The following UPF1 variants were observed in gnomAD, a reference collection of about 807,000 sequenced individuals.
UPF1 encodes the protein regulator of nonsense transcripts 1.
A neutral mutation model predicts 129.2 loss-of-function variants in UPF1; 9 were observed. The ratio of observed to expected loss-of-function variants is 0.07; its 90% CI spans 0.04 to 0.12. The LOEUF is 0.12. Ranked by LOEUF, UPF1 falls within the 10% of genes least tolerant of loss-of-function variation. The pLI is 1.00. For synonymous variants in UPF1, 649 were observed against 644.9 expected (o/e 1.01, Z -0.10); for missense variants, 788 against 1,525.3 (o/e 0.52, Z 8.05).
At chr19:18,842,594 C>G (rs72999395) in intron 1 of UPF1, among the ~76,000 whole-genome samples, 1 of 152,112 alleles carries the variant, frequency 6.6e-6, no homozygotes, top group African/African-American at 2.4e-5. Flanking sequence ...CAACCCTCTG[C>G]CTTGAGAGGG....
intron 6 of UPF1, among the ~76,000 whole-genome samples, chr19:18,852,538 G>A (rs1413583387): frequency 6.6e-6 from 1 of 152,202 alleles, no homozygotes; most frequent in African/African-American, 2.4e-5. Flanking sequence ...TCCCAGTGGG[G>A]TCCACAGCTT....
intron 1 of UPF1, among the ~76,000 whole-genome samples, chr19:18,835,770 A>G (rs982619199): frequency 2.6e-5 from 4 of 152,148 alleles, no homozygotes; most frequent in African/African-American, 9.7e-5. Flanking sequence ...GGCTTTTGTG[A>G]ATAGCACTGC....
At chr19:18,849,642 T>G (rs2145949443) in intron 3 of UPF1, among the ~76,000 whole-genome samples, 1 of 152,182 alleles carries the variant, frequency 6.6e-6, no homozygotes, top group African/African-American at 2.4e-5. Flanking sequence ...CTCCTGGAAG[T>G]AGGCACAGGG....
chr19:18,836,951 A>C (rs2055489957), intron 1 of UPF1, among the ~76,000 whole-genome samples: 1 of 150,400 alleles, frequency 6.6e-6, no homozygotes, highest in Non-Finnish European at 1.5e-5. Context: ...GCAGGGTTTC[A>C]CCATGTTAGT....
Position 18,854,713 on chromosome 19 carries a change from C to A in UPF1, c.1265+4C>A, listed in dbSNP as rs368543377. On this transcript the variant is annotated splice_donor_region_variant and intron_variant, in intron 9 of 23. Transcript: ENST00000262803. The stretch of plus-strand genomic sequence containing the variant: ...GGAAGTCGACCTCCTTTGACAGGTA[C>A]GTCTTCTCCCATCACTGCCCCCTGT... 1.1e-5 allele frequency: 17 copies of A among 1,612,844 alleles called. No individual in the cohort carries two copies. In the African/African-American group the frequency reaches 2.1e-4, roughly 20 times the overall value.
Position 18,865,114 on chromosome 19 carries a change from C to G in UPF1, c.2858-175C>G, listed in dbSNP as rs1601132914. Among the ~76,000 whole-genome samples, 1 of 152,206 alleles carries G rather than the reference C, an allele frequency of 6.6e-6. No individual in the cohort carries two copies. Among genetic ancestry groups the G allele is most frequent in the Non-Finnish European group, 1.5e-5 (1 of 68,036 alleles). ...TCGGGGAAGGTGCCTGCCCAAGCAC[C>G]CAGCCCCAGGCAGGCTGCTGTAGTT... On this transcript the variant is annotated intron_variant, in intron 20 of 23. Transcript: ENST00000262803. The surrounding 1 kb of genome is among the most constrained non-coding windows in gnomAD (Gnocchi z 6.1).
intron 19 of UPF1, 150 bp downstream of exon 19, chr19:18,863,762 C>T: frequency 1.7e-6 from 2 of 1,178,150 alleles, no homozygotes; most frequent in South Asian, 3.2e-5. Context: ...GTGGGCCAGC[C>T]CACTTCTTGT....
At chr19:18,861,735 G>GT (rs1238204049) in intron 17 of UPF1, among the ~76,000 whole-genome samples, 3 of 152,204 alleles carry the variant, frequency 2.0e-5, no homozygotes, top group Non-Finnish European at 4.4e-5. Context: ...GGAGACTGAG[G>GT]TGGGATCAGC....
intron 23 of UPF1, 133 bp downstream of exon 23, chr19:18,866,299 C>T: frequency 7.5e-7 from 1 of 1,337,126 alleles, no homozygotes; most frequent in Non-Finnish European, 9.8e-7. Context: ...GGTCATAGGC[C>T]CTCAGGGCCA....
At chr19:18,864,900 G>A (rs1316847892) in intron 20 of UPF1, among the ~76,000 whole-genome samples, 5 of 151,776 alleles carry the variant, frequency 3.3e-5, no homozygotes, top group East Asian at 1.9e-4. Context: ...CACCATGCCC[G>A]GCTAGTTTTT....
In UPF1 at chr19:18,855,501, G is replaced by T; in HGVS notation, c.1544+259G>T. 5 of 570,820 alleles carry T rather than the reference G, an allele frequency of 8.8e-6. No individual in the cohort carries two copies. In the Middle Eastern group the frequency reaches 1.9e-3, roughly 219 times the overall value. 35.4% of individuals were successfully genotyped at this position (570,820 alleles called of 1,614,324 possible). On this transcript the variant is annotated intron_variant, in intron 11 of 23. Transcript: ENST00000262803. ...GCATGGCTGCAGCAGCGTGAGTTCC[G>T]TGTGCGGCACTTTATAGTGTGGCGG...
At chr19:18,858,097 G>A (rs569577525) in intron 15 of UPF1, among the ~76,000 whole-genome samples, 5 of 152,350 alleles carry the variant, frequency 3.3e-5, no homozygotes, top group Admixed American at 6.5e-5. Flanking sequence ...ACTAAGCCTC[G>A]AGTGTTTCAC....
At chr19:18,861,451 A>C (rs1487500733) in intron 17 of UPF1, among the ~76,000 whole-genome samples, 1 of 152,188 alleles carries the variant, frequency 6.6e-6, no homozygotes, top group Non-Finnish European at 1.5e-5. Context: ...GCCACATGGC[A>C]GTGGTTTCTG....
chr19:18,854,490 T>G, intron 8 of UPF1, 111 bp from the exon 9 acceptor site: 4 of 782,106 alleles, frequency 5.1e-6, no homozygotes, highest in Non-Finnish European at 8.5e-6. Context: ...GAGCCAGCGG[T>G]GTCTTAAGTA....
chr19:18,861,296 C>G (rs1021468039), intron 17 of UPF1, among the ~76,000 whole-genome samples: 3 of 152,228 alleles, frequency 2.0e-5, no homozygotes, highest in African/African-American at 7.2e-5. Context: ...TGGTCTGTGC[C>G]TGCCACACAC....
Position 18,853,734 on chromosome 19 carries a change from T to C in UPF1, c.1156+384T>C, listed in dbSNP as rs941426926. On this transcript the variant is annotated intron_variant, in intron 8 of 23. Transcript: ENST00000262803. This position sits in a 1 kb window ranked among gnomAD's most constrained non-coding sequence, Gnocchi z 4.4. ...TGCACACGGAGGTTCCAGAAGCCAG[T>C]GGTCACATGCAGACCCTCTGAGCAC... 4.6e-5 allele frequency among the ~76,000 whole-genome samples: 7 copies of C among 152,214 alleles called. No individual in the cohort carries two copies. Among genetic ancestry groups the C allele is most frequent in the African/African-American group, 1.2e-4 (5 of 41,470 alleles).
chr19:18,835,785 G>A (rs193066806), intron 1 of UPF1, among the ~76,000 whole-genome samples: 157 of 152,296 alleles, frequency 1.0e-3, no homozygotes, highest in Non-Finnish European at 2.0e-3. Context: ...CACTGCTGTG[G>A]CCATGAGTGT....
intron 1 of UPF1, among the ~76,000 whole-genome samples, chr19:18,835,860 T>C (rs1388933243): frequency 6.6e-6 from 1 of 152,170 alleles, no homozygotes; most frequent in East Asian, 1.9e-4. Flanking sequence ...GGTTTAATGG[T>C]TTCAGTAACT....
At position 18,832,348 on chromosome 19, in the gene UPF1, CCCCCCGGCGGCCCCGGCG is replaced by C. The variant is rs762900997; in HGVS notation, c.140_157del (p.Pro47_Gly53delinsArg). On this transcript the variant is annotated inframe_deletion, in exon 1 of 24. Coordinates refer to ENST00000262803, the MANE Select transcript of UPF1 (RefSeq NM_002911.4). The surrounding 1 kb of genome is among the most constrained non-coding windows in gnomAD (Gnocchi z 5.6). The stretch of plus-strand genomic sequence containing the variant: ...TACTCTTCCTAGCCAGACGCAGACG[CCCCCCGGCGGCCCCGGCG>C]GCCCGGGCGGTGGCGGCGCGGGAGG... 1 of 1,374,384 alleles carries C rather than the reference CCCCCCGGCGGCCCCGGCG, an allele frequency of 7.3e-7. No homozygotes were observed. Among genetic ancestry groups the C allele is most frequent in the South Asian group, 1.6e-5 (1 of 63,634 alleles). 85.1% of individuals were successfully genotyped at this position (1,374,384 alleles called of 1,614,324 possible). A position where few individuals can be genotyped will look rare whatever the true frequency, so the allele number is the denominator to read the frequency against.
Sources: gnomAD v4.1 joint callset for allele counts (sites outside exome capture counted in the v4.1 genomes callset) on GRCh38, gnomAD v4.1.1 for gene constraint, Gnocchi (gnomAD v3.1) non-coding constraint, MANE v1.5 for transcripts, NCBI Gene and HGNC (gene_info 2026-07-23, HGNC 2026-07-21) for gene names.